SGCD: variants seen among roughly 807,000 people sequenced by gnomAD.
SGCD encodes the protein sarcoglycan delta.
A neutral mutation model predicts 36.6 loss-of-function variants in SGCD; 18 were observed. The observed-to-expected ratio is 0.49, with a 90% CI of 0.34 to 0.73. SGCD has a LOEUF of 0.73. Among genes scored for constraint, SGCD ranks in the 30% least tolerant of loss-of-function variants. SGCD has a pLI of 0.01. For synonymous variants in SGCD, 133 were observed against 130.6 expected (o/e 1.02, Z -0.12); for missense variants, 387 against 346.7 (o/e 1.12, Z -0.92).
chr5:156,099,599 G>C (rs1466116734), intron 1 of SGCD, among the ~76,000 whole-genome samples: 1 of 152,148 alleles, frequency 6.6e-6, no homozygotes. Context: ...ATTTTTAGTA[G>C]AGACGGGGTT....
intron 1 of SGCD, among the ~76,000 whole-genome samples, chr5:156,024,336 A>G (rs1759179044): frequency 6.6e-6 from 1 of 151,254 alleles, no homozygotes; most frequent in South Asian, 2.1e-4. Flanking sequence ...AGATGCACTC[A>G]ATAAATGCTT....
At chr5:156,104,390 G>A (rs1761594291) in intron 1 of SGCD, among the ~76,000 whole-genome samples, 1 of 152,130 alleles carries the variant, frequency 6.6e-6, no homozygotes, top group Admixed American at 6.6e-5. Flanking sequence ...AGTAATATGA[G>A]CATTTTAATC....
rs755798921 is a variant in SGCD, at chr5:156,058,844, G to T, written c.-281-59034G>T. ...CCTGGAGAAAGGGGAAACTGTGTAG[G>T]AATATAGATGAAACAAGATTGGCCG... On this transcript the variant is annotated intron_variant, in intron 1 of 9. Coordinates refer to the SGCD transcript ENST00000517913. Among the ~76,000 whole-genome samples, 12 of 145,694 alleles carry T rather than the reference G, an allele frequency of 8.2e-5. 3 individuals carry two copies. The highest frequency in any genetic ancestry group is 1.7e-4 in the Non-Finnish European group (11 of 64,756).
At chr5:156,140,942 C>G (rs182525516) in intron 3 of SGCD, among the ~76,000 whole-genome samples, 295 of 152,190 alleles carry the variant, frequency 1.9e-3, no homozygotes, top group African/African-American at 6.3e-3. Flanking sequence ...GGCCCTGGGG[C>G]AGAACAGTTT....
At position 156,677,690 on chromosome 5, in the gene SGCD, TA is replaced by T. The variant is rs200773652; in HGVS notation, c.575+30164del. The stretch of plus-strand genomic sequence containing the variant: ...TACCCTAGAACTTAAAGTATATAGA[TA>T]AAAAAAAAAGAGTCTGGTGGAGAAA... On this transcript the variant is annotated intron_variant, in intron 7 of 8. Coordinates refer to ENST00000337851, the MANE Select transcript of SGCD (RefSeq NM_000337.6). Among the ~76,000 whole-genome samples the T allele has an allele frequency of 1.0e-3, 147 of 147,446 alleles. No individual in the cohort carries two copies. In the East Asian group the frequency reaches 0.017, roughly 17 times the overall value.
intron 6 of SGCD, among the ~76,000 whole-genome samples, chr5:156,621,393 G>A (rs942522690): frequency 5.9e-5 from 9 of 151,988 alleles, no homozygotes; most frequent in African/African-American, 1.4e-4. Flanking sequence ...GGGTTTCACC[G>A]TATTGACCAG....
intron 3 of SGCD, among the ~76,000 whole-genome samples, chr5:156,422,067 A>T (rs1453241982): frequency 2.0e-5 from 3 of 152,040 alleles, no homozygotes; most frequent in African/African-American, 7.2e-5. Flanking sequence ...TAAACTTATC[A>T]CCCAGTAGCC....
chr5:155,851,898 T>C, the SGCD span, among the ~76,000 whole-genome samples: 1 of 152,200 alleles, frequency 6.6e-6, no homozygotes, highest in Non-Finnish European at 1.5e-5. Context: ...ATCATCAGTA[T>C]TGGATATACT....
At chr5:156,123,502 T>C (rs1762096287) in intron 2 of SGCD, among the ~76,000 whole-genome samples, 1 of 152,134 alleles carries the variant, frequency 6.6e-6, no homozygotes, top group Admixed American at 6.5e-5. Context: ...ATTGTTTTTG[T>C]ATACTAAAGA....
chr5:155,775,505 T>G, the SGCD span, among the ~76,000 whole-genome samples: 1 of 152,126 alleles, frequency 6.6e-6, no homozygotes, highest in Non-Finnish European at 1.5e-5. Context: ...GCGCCCATGC[T>G]TTTTCCAACT....
chr5:155,879,987 T>C (rs1032120275), intron 1 of SGCD, among the ~76,000 whole-genome samples: 3 of 151,738 alleles, frequency 2.0e-5, no homozygotes, highest in South Asian at 2.1e-4. Context: ...AGAAGCTGGA[T>C]TGGGGGAGTT....
At chr5:155,768,710 T>A in the SGCD span, among the ~76,000 whole-genome samples, 7 of 152,232 alleles carry the variant, frequency 4.6e-5, no homozygotes, top group East Asian at 1.2e-3. Context: ...CCAGGAGAGA[T>A]GAATGTTGTG....
intron 3 of SGCD, among the ~76,000 whole-genome samples, chr5:156,201,637 G>A (rs953978043): frequency 1.4e-4 from 21 of 152,132 alleles, no homozygotes; most frequent in African/African-American, 5.1e-4. Flanking sequence ...TTTCCTAAGG[G>A]GAAAATGTGT....
chr5:155,906,209 A>G (rs1047280536), intron 1 of SGCD, among the ~76,000 whole-genome samples: 2 of 152,080 alleles, frequency 1.3e-5, no homozygotes, highest in Admixed American at 1.3e-4. Context: ...TAATTGATGA[A>G]TGTTGTATGT....
the SGCD span, among the ~76,000 whole-genome samples, chr5:155,814,068 G>A: frequency 1.3e-5 from 2 of 152,232 alleles, no homozygotes; most frequent in East Asian, 3.9e-4. Flanking sequence ...GCTAATTAGT[G>A]GTTACCATCA....
At chr5:156,006,456 G>A (rs776266567) in intron 1 of SGCD, among the ~76,000 whole-genome samples, 13 of 152,058 alleles carry the variant, frequency 8.5e-5, no homozygotes, top group Non-Finnish European at 1.8e-4. Flanking sequence ...TTACAAATGC[G>A]TTGTCTGGTG....
chr5:156,146,712 G>C (rs1169477727), intron 3 of SGCD, among the ~76,000 whole-genome samples: 3 of 152,146 alleles, frequency 2.0e-5, no homozygotes, highest in African/African-American at 7.2e-5. Flanking sequence ...TAAATGATGA[G>C]AGTAATATAA....
At chr5:156,015,448 A>G (rs893321112) in intron 1 of SGCD, among the ~76,000 whole-genome samples, 1 of 151,990 alleles carries the variant, frequency 6.6e-6, no homozygotes, top group African/African-American at 2.4e-5. Flanking sequence ...AGAAGCATAT[A>G]TATGTATATA....
the SGCD span, among the ~76,000 whole-genome samples, chr5:155,761,331 C>A: frequency 1.5e-5 from 1 of 68,894 alleles, no homozygotes; most frequent in South Asian, 8.9e-4. Flanking sequence ...NNNNGCATCA[C>A]CCTCTCCATC....
Sources: allele counts gnomAD v4.1 joint callset (sites outside exome capture counted in the v4.1 genomes callset), GRCh38; gene constraint gnomAD v4.1.1; transcripts MANE v1.5; gene names NCBI Gene and HGNC (gene_info 2026-07-23, HGNC 2026-07-21).